ATG5: variants seen among roughly 807,000 people sequenced by gnomAD.
ATG5 encodes autophagy protein 5.
Under a neutral mutation model 36.5 loss-of-function variants are expected in ATG5, and 14 were observed. That is an observed-to-expected ratio of 0.38 (90% CI 0.25 to 0.60). The LOEUF (loss-of-function observed/expected upper bound fraction) is 0.60, where lower values mean the gene tolerates loss of function less well. Ranked by LOEUF, ATG5 falls within the 20% of genes least tolerant of loss-of-function variation. The pLI, the probability that ATG5 is intolerant of heterozygous loss-of-function variation, is 0.60. For synonymous variants in ATG5, 95 were observed against 101.5 expected, an observed-to-expected ratio of 0.94 and a Z score of 0.38; for missense variants, 195 against 326.7, an observed-to-expected ratio of 0.60 and a Z score of 3.11.
intron 3 of ATG5, among the ~76,000 whole-genome samples, chr6:106,306,754 G>A (rs190931876): frequency 9.2e-5 from 14 of 152,230 alleles, no homozygotes; most frequent in East Asian, 1.9e-4. Context: ...CTGTTTCCCC[G>A]TCCATCCTGT....
intron 2 of ATG5, 128 bp from the exon 3 acceptor site, chr6:106,308,619 G>C: frequency 1.5e-6 from 1 of 681,912 alleles, no homozygotes; most frequent in Non-Finnish European, 2.2e-6. Context: ...CCCACACAAA[G>C]TCTACTGCTT....
intron 3 of ATG5, among the ~76,000 whole-genome samples, chr6:106,299,306 T>C (rs984369765): frequency 2.0e-5 from 3 of 152,216 alleles, no homozygotes; most frequent in Non-Finnish European, 4.4e-5. Context: ...ACGTAAATAG[T>C]TGTTATACCA....
chr6:106,187,814 C>T (rs1265758090), intron 7 of ATG5, among the ~76,000 whole-genome samples: 1 of 152,146 alleles, frequency 6.6e-6, no homozygotes, highest in Non-Finnish European at 1.5e-5. Context: ...AATATTTAGA[C>T]TTCCTGTTAG....
chr6:106,202,714 T>G (rs1776477073), intron 6 of ATG5, among the ~76,000 whole-genome samples: 1 of 152,144 alleles, frequency 6.6e-6, no homozygotes, highest in African/African-American at 2.4e-5. Context: ...CCGGCTGGAG[T>G]GCAGTGGCGC....
Position 106,315,608 on chromosome 6 carries a change from CGT to C in ATG5, c.108+491_108+492del, listed in dbSNP as rs541899030. Among the ~76,000 whole-genome samples the C allele has an allele frequency of 2.5e-3, 381 of 152,006 alleles. 3 individuals carry two copies. The highest frequency in any genetic ancestry group is 8.6e-3 in the African/African-American group (358 of 41,472). ...ACATACAATAGCTCAGTGAACGTATCGTGTGTGTGTATGTGTGCATGTTTATA... is the reference window on the plus strand; with the variant it reads ...ACATACAATAGCTCAGTGAACGTATCGTGTGTGTATGTGTGCATGTTTATA... On this transcript the variant is annotated intron_variant, in intron 2 of 7. Transcript: ENST00000369076.
At chr6:106,297,761 C>T (rs1470885031) in intron 3 of ATG5, among the ~76,000 whole-genome samples, 1 of 114,060 alleles carries the variant, frequency 8.8e-6, no homozygotes, top group African/African-American at 3.2e-5. Flanking sequence ...CACACACACA[C>T]ACACATATAT....
intron 6 of ATG5, among the ~76,000 whole-genome samples, chr6:106,226,000 CAAA>C (rs560078280): frequency 6.6e-6 from 1 of 152,164 alleles, no homozygotes; most frequent in South Asian, 2.1e-4. Context: ...TGTACACGCT[CAAA>C]AAACATCTAC....
chr6:106,266,570 A>G (rs575357544), intron 5 of ATG5, among the ~76,000 whole-genome samples: 2 of 152,220 alleles, frequency 1.3e-5, no homozygotes, highest in Non-Finnish European at 2.9e-5. Context: ...TCAGGCCAAT[A>G]TCCCTGATGA....
At chr6:106,313,527 T>C (rs1195749621) in intron 2 of ATG5, among the ~76,000 whole-genome samples, 1 of 152,136 alleles carries the variant, frequency 6.6e-6, no homozygotes, top group Admixed American at 6.5e-5. Context: ...ATAATCTAAA[T>C]GAAAAGCAAC....
intron 5 of ATG5, among the ~76,000 whole-genome samples, chr6:106,276,065 C>T (rs1451811092): frequency 1.3e-5 from 2 of 152,190 alleles, no homozygotes; most frequent in South Asian, 4.1e-4. Flanking sequence ...TCATCAAGAC[C>T]GCTTTACTCC....
chr6:106,279,202 G>A (rs1315330448), intron 5 of ATG5, among the ~76,000 whole-genome samples: 2 of 152,176 alleles, frequency 1.3e-5, no homozygotes, highest in African/African-American at 4.8e-5. Flanking sequence ...TTCCTTGGGA[G>A]TATTTTCTAA....
At chr6:106,321,757 T>C (rs1771084300) in intron 1 of ATG5, among the ~76,000 whole-genome samples, 1 of 152,156 alleles carries the variant, frequency 6.6e-6, no homozygotes, top group Admixed American at 6.5e-5. Context: ...GCATGCACTA[T>C]CATGCAATGT....
intron 5 of ATG5, among the ~76,000 whole-genome samples, chr6:106,271,899 T>C (rs1404911898): frequency 6.6e-6 from 1 of 152,234 alleles, no homozygotes; most frequent in Non-Finnish European, 1.5e-5. Context: ...GTGCCTAGAA[T>C]ATTCCCACTT....
chr6:106,200,726 C>T lies in ATG5; in HGVS notation c.691+1246G>A, dbSNP rs57050291. On this transcript the variant is annotated intron_variant, in intron 7 of 7. Transcript: ENST00000369076. ...CGATCTCCTGACCTCGTGATCCACC[C>T]GCCTTGGCCTCCCAAAGTGCTAGGA... is the stretch of plus-strand genomic sequence containing the variant. 0.013 allele frequency among the ~76,000 whole-genome samples: 2,010 copies of T among 152,242 alleles called. 174 individuals are homozygous for T. The East Asian group carries it at 0.25, about 19-fold the overall frequency.
intron 7 of ATG5, among the ~76,000 whole-genome samples, chr6:106,196,182 T>C (rs890994495): frequency 5.3e-5 from 8 of 152,272 alleles, no homozygotes; most frequent in African/African-American, 1.7e-4. Flanking sequence ...CCTAAGATCA[T>C]ATCAGAAATA....
At chr6:106,233,010 G>A (rs552565455) in intron 6 of ATG5, among the ~76,000 whole-genome samples, 10 of 152,252 alleles carry the variant, frequency 6.6e-5, no homozygotes, top group Admixed American at 6.5e-5. Flanking sequence ...GACTTGAGCC[G>A]GTTCTCATAC....
chr6:106,296,981 A>G lies in ATG5; in HGVS notation c.237-3875T>C, dbSNP rs370129784. On this transcript the variant is annotated intron_variant, in intron 3 of 7. Coordinates refer to ENST00000369076, the MANE Select transcript of ATG5 (RefSeq NM_004849.4). ...TATTAGACAAATCAGGACAAAATACAAAGAGAGACAGCAGTACTCTAGACT... is the reference window on the plus strand; with the variant it reads ...TATTAGACAAATCAGGACAAAATACGAAGAGAGACAGCAGTACTCTAGACT... 2.6e-5 allele frequency among the ~76,000 whole-genome samples: 4 copies of G among 152,358 alleles called. No homozygotes were observed. The East Asian group carries it at 7.7e-4, about 29-fold the overall frequency.
intron 3 of ATG5, among the ~76,000 whole-genome samples, chr6:106,296,411 G>GT (rs1769939755): frequency 1.3e-5 from 2 of 152,150 alleles, no homozygotes; most frequent in African/African-American, 2.4e-5. Context: ...CACTAAAACA[G>GT]TAAGAATTTG....
chr6:106,247,625 A>G (rs1778396132), intron 6 of ATG5, among the ~76,000 whole-genome samples: 1 of 152,210 alleles, frequency 6.6e-6, no homozygotes, highest in Non-Finnish European at 1.5e-5. Context: ...TGATCAATAC[A>G]TAACCTTGTT....
Sources: gnomAD v4.1 joint callset for allele counts (sites outside exome capture counted in the v4.1 genomes callset) on GRCh38, gnomAD v4.1.1 for gene constraint, MANE v1.5 for transcripts, NCBI Gene and HGNC (gene_info 2026-07-23, HGNC 2026-07-21) for gene names.